Variants in SCHIP1 observed in about 807,000 individuals in gnomAD.
The protein encoded by SCHIP1 is schwannomin interacting protein 1, also known as schwannomin-interacting protein 1.
SCHIP1 carries 8 observed loss-of-function variants against 29.7 expected under a neutral mutation model. That is an observed-to-expected ratio of 0.27 (90% CI 0.16 to 0.49). The LOEUF (loss-of-function observed/expected upper bound fraction) is 0.49. Ranked by LOEUF, SCHIP1 falls within the 20% of genes least tolerant of loss-of-function variation. The pLI, the probability that SCHIP1 is intolerant of heterozygous loss-of-function variation, is 0.99. For synonymous variants in SCHIP1, 76 were observed against 94.9 expected (o/e 0.80, Z 1.16); for missense variants, 193 against 294.6 (o/e 0.66, Z 2.52).
chr3:159,844,281 G>T (rs1325246991), intron 1 of SCHIP1, among the ~76,000 whole-genome samples: 1 of 152,100 alleles, frequency 6.6e-6, no homozygotes, highest in East Asian at 1.9e-4. Context: ...AGAGAGTTTC[G>T]CTGCTACCAA....
the SCHIP1 span, among the ~76,000 whole-genome samples, chr3:159,806,695 G>A: frequency 3.3e-5 from 5 of 152,232 alleles, no homozygotes; most frequent in Non-Finnish European, 5.9e-5. Flanking sequence ...GTCTTGGCAG[G>A]CAGGGCTGCT....
At chr3:159,638,615 GAA>G in the SCHIP1 span, among the ~76,000 whole-genome samples, 208 of 119,748 alleles carry the variant, frequency 1.7e-3, 1 homozygote, top group African/African-American at 6.0e-3. Flanking sequence ...TATTATAGAG[GAA>G]AAAAAAAAAA....
chr3:159,565,010 G>A, the SCHIP1 span, among the ~76,000 whole-genome samples: 2 of 152,164 alleles, frequency 1.3e-5, no homozygotes, highest in African/African-American at 4.8e-5. Context: ...ATGTGCATGT[G>A]CTTAGCTTTA....
chr3:159,564,706 T>G, the SCHIP1 span, among the ~76,000 whole-genome samples: 1 of 152,216 alleles, frequency 6.6e-6, no homozygotes, highest in African/African-American at 2.4e-5. Context: ...CTGTAGATTA[T>G]TTTTGCCTGT....
At chr3:159,697,758 A>T in the SCHIP1 span, among the ~76,000 whole-genome samples, 1 of 152,184 alleles carries the variant, frequency 6.6e-6, no homozygotes, top group Non-Finnish European at 1.5e-5. Context: ...GATAATCTAA[A>T]AAAAAAAGTT....
chr3:159,336,369 T>C, the SCHIP1 span, among the ~76,000 whole-genome samples: 14 of 152,230 alleles, frequency 9.2e-5, no homozygotes, highest in African/African-American at 3.1e-4. Context: ...TTTGTAAATT[T>C]TGGCTTTTGT....
chr3:159,826,578 A>G, the SCHIP1 span, among the ~76,000 whole-genome samples: 1 of 152,230 alleles, frequency 6.6e-6, no homozygotes, highest in Non-Finnish European at 1.5e-5. Flanking sequence ...TCATTTTCCT[A>G]GATTTTAAAA....
At chr3:159,781,897 A>T in the SCHIP1 span, among the ~76,000 whole-genome samples, 1 of 152,238 alleles carries the variant, frequency 6.6e-6, no homozygotes, top group Non-Finnish European at 1.5e-5. Context: ...ACAGCCAGAA[A>T]TTATTTTAAA....
the SCHIP1 span, among the ~76,000 whole-genome samples, chr3:159,476,573 G>A: frequency 5.5e-4 from 84 of 151,890 alleles, no homozygotes; most frequent in African/African-American, 1.6e-3. Flanking sequence ...AATAGAATAC[G>A]CAACTAAAAA....
chr3:159,863,366 A>G lies in SCHIP1; in HGVS notation c.31-2797A>G, dbSNP rs182409700. On this transcript the variant is annotated intron_variant, in intron 1 of 6. Coordinates refer to ENST00000445224, the Ensembl canonical transcript of SCHIP1. ...CAAAAAAAAAAAGAGGCTAACTTCC[A>G]TGTTATTTTTAATTTGACACAACTC... Among the ~76,000 whole-genome samples, 105 of 151,948 alleles carry G rather than the reference A, an allele frequency of 6.9e-4. 1 individual carries two copies. The highest frequency in any genetic ancestry group is 2.4e-3 in the African/African-American group (99 of 41,428).
At chr3:159,708,210 G>A in the SCHIP1 span, among the ~76,000 whole-genome samples, 15 of 152,292 alleles carry the variant, frequency 9.8e-5, no homozygotes, top group East Asian at 2.9e-3. Flanking sequence ...CAAGACAAGA[G>A]TTCAACACAA....
the SCHIP1 span, chr3:159,306,444 G>T: frequency 1.2e-5 from 2 of 160,322 alleles, no homozygotes; most frequent in East Asian, 3.9e-4. Flanking sequence ...CATTCTAAAT[G>T]CCAAGAAGTA....
At chr3:159,424,960 G>C in the SCHIP1 span, among the ~76,000 whole-genome samples, 1 of 151,950 alleles carries the variant, frequency 6.6e-6, no homozygotes, top group Non-Finnish European at 1.5e-5. Context: ...AAGTGAAGGA[G>C]AAATAAAATA....
At chr3:159,379,667 C>T in the SCHIP1 span, among the ~76,000 whole-genome samples, 1 of 151,992 alleles carries the variant, frequency 6.6e-6, no homozygotes, top group Admixed American at 6.5e-5. Flanking sequence ...TTCCTCAGGC[C>T]TTTAATGGGG....
the SCHIP1 span, among the ~76,000 whole-genome samples, chr3:159,314,525 C>T: frequency 1.3e-5 from 2 of 152,184 alleles, no homozygotes; most frequent in Non-Finnish European, 2.9e-5. Flanking sequence ...AAATTCTTTT[C>T]TCTTAATAGG....
the SCHIP1 span, among the ~76,000 whole-genome samples, chr3:159,459,186 C>T: frequency 1.3e-5 from 2 of 152,248 alleles, no homozygotes; most frequent in East Asian, 3.9e-4. Context: ...TCACATTCTT[C>T]ACTTTCTTAG....
chr3:159,751,551 T>TTTC, the SCHIP1 span, among the ~76,000 whole-genome samples: 7 of 149,504 alleles, frequency 4.7e-5, no homozygotes, highest in Non-Finnish European at 8.9e-5. Context: ...AATTATTTCT[T>TTTC]TTTTTTTTTT....
chr3:159,590,480 G>A, the SCHIP1 span, among the ~76,000 whole-genome samples: 4 of 152,136 alleles, frequency 2.6e-5, no homozygotes, highest in Non-Finnish European at 5.9e-5. Context: ...GGAAGCTGAT[G>A]CAGAAGAATC....
At chr3:159,804,179 C>T in the SCHIP1 span, among the ~76,000 whole-genome samples, 1 of 152,148 alleles carries the variant, frequency 6.6e-6, no homozygotes, top group Non-Finnish European at 1.5e-5. Flanking sequence ...AGGTAAAACC[C>T]CACAATGAAC....
Sources: gnomAD v4.1 joint callset for allele counts (sites outside exome capture counted in the v4.1 genomes callset) on GRCh38, gnomAD v4.1.1 for gene constraint, MANE v1.5 for transcripts, NCBI Gene and HGNC (gene_info 2026-07-23, HGNC 2026-07-21) for gene names.